C3orf49: variants seen among roughly 807,000 people sequenced by gnomAD.
C3orf49 encodes the protein putative uncharacterized protein C3orf49.
Under a neutral mutation model 13.3 loss-of-function variants are expected in C3orf49, and 27 were observed. The observed-to-expected ratio is 2.02, with a 90% CI of 1.49 to 2.79. C3orf49 has a LOEUF of 2.79. Ranked by LOEUF, C3orf49 falls within the 30% of genes most tolerant of loss-of-function variation. C3orf49 has a pLI of 0.00. For missense variants in C3orf49, 242 were observed against 134.2 expected, an observed-to-expected ratio of 1.80 and a Z score of -3.97; for synonymous variants, 87 against 47.6, an observed-to-expected ratio of 1.83 and a Z score of -3.40.
At chr3:63,801,615 G>T in the C3orf49 span, among the ~76,000 whole-genome samples, 5 of 152,240 alleles carry the variant, frequency 3.3e-5, no homozygotes, top group East Asian at 9.6e-4. Flanking sequence ...CTAGTGTTGT[G>T]AGCATTAAAT....
At chr3:63,830,859 G>C (rs909045209) in intron 3 of C3orf49, among the ~76,000 whole-genome samples, 2 of 152,134 alleles carry the variant, frequency 1.3e-5, no homozygotes, top group Non-Finnish European at 2.9e-5. Context: ...TCCTGATGCT[G>C]TATATTCTTT....
At chr3:63,815,229 CTG>C (rs1701310563), upstream of C3orf49, among the ~76,000 whole-genome samples, 1 of 152,196 alleles carries the variant, frequency 6.6e-6, no homozygotes, top group South Asian at 2.1e-4. Context: ...CATATCCAAA[CTG>C]TATCATCCCC....
In C3orf49 at chr3:63,823,292, A is replaced by G; in HGVS notation, c.168A>G (p.Val56=). 1.4e-6 allele frequency: 1 copy of G among 703,068 alleles called. No individual in the cohort carries two copies. Among genetic ancestry groups the G allele is most frequent in the South Asian group, 1.5e-5 (1 of 67,594 alleles). The allele number at this position is 703,068 out of a possible 1,614,324, so 43.6% of individuals were successfully genotyped here. A position where few individuals can be genotyped will look rare whatever the true frequency, so the allele number is the denominator to read the frequency against. Residue 56 remains valine (V), a synonymous_variant, in exon 2 of 7, where the codon GTA becomes GTG. Coordinates refer to ENST00000295896, the MANE Select transcript of C3orf49 (RefSeq NM_001355236.2). The part of the protein sequence containing the change: ...AVSTNLLKQN[V]LVPKEESSSD... ...CTACCAACTTACTAAAACAAAATGT[A>G]TTGGTCCCTAAAGAGGAATCATCCA...
chr3:63,823,566 A>G lies in C3orf49; in HGVS notation c.442A>G (p.Asn148Asp), dbSNP rs539480396. ...AGCAAAAATGAGAAAGCTCTCAGAG[A>G]ATGGTAATCATATTTGGGCAATTTG... ...FTAKMRKLSE[N>D]ATIQLDVVEA... Residue 148 changes from asparagine to aspartate, a missense_variant, in exon 2 of 7, where the codon AAT (asparagine) becomes GAT (aspartate). Asn to Asp is a conservative substitution (Grantham distance 23). Coordinates refer to ENST00000295896, the MANE Select transcript of C3orf49 (RefSeq NM_001355236.2). 1.4e-6 allele frequency: 1 copy of G among 696,024 alleles called. No homozygotes were observed. Among genetic ancestry groups the G allele is most frequent in the Non-Finnish European group, 2.6e-6 (1 of 382,216 alleles). The allele number at this position is 696,024 out of a possible 1,614,324, so 43.1% of individuals were successfully genotyped here. A position where few individuals can be genotyped will look rare whatever the true frequency, so the allele number is the denominator to read the frequency against.
chr3:63,788,780 C>A, the C3orf49 span, among the ~76,000 whole-genome samples: 1 of 151,720 alleles, frequency 6.6e-6, no homozygotes, highest in Non-Finnish European at 1.5e-5. Context: ...GAGACTTGCC[C>A]AGGGTCACAA....
At chr3:63,844,991 T>G (rs903056820) in intron 5 of C3orf49, 32 bp from the exon 6 acceptor site, 2 of 685,008 alleles carry the variant, frequency 2.9e-6, no homozygotes, top group Non-Finnish European at 2.7e-6. Flanking sequence ...AATTGAGATC[T>G]TTACATTTGT....
the C3orf49 span, among the ~76,000 whole-genome samples, chr3:63,809,366 G>A: frequency 6.6e-6 from 1 of 152,236 alleles, no homozygotes; most frequent in African/African-American, 2.4e-5. Context: ...CTGTTTTAAG[G>A]CATCATCAAG....
At chr3:63,780,779 A>T in the C3orf49 span, among the ~76,000 whole-genome samples, 1 of 152,272 alleles carries the variant, frequency 6.6e-6, no homozygotes, top group African/African-American at 2.4e-5. Flanking sequence ...TGGCTGCATA[A>T]ATGTCTTCTT....
chr3:63,844,991 T>C, intron 5 of C3orf49, 32 bp from the exon 6 acceptor site: 1 of 685,008 alleles, frequency 1.5e-6, no homozygotes, highest in Non-Finnish European at 2.7e-6. Flanking sequence ...AATTGAGATC[T>C]TTACATTTGT....
chr3:63,835,267 T>TA, intron 5 of C3orf49: 1 of 1,612,564 alleles, frequency 6.2e-7, no homozygotes, highest in Non-Finnish European at 8.5e-7. Context: ...CCTGTATATA[T>TA]AGATATATAG....
At chr3:63,844,912 C>A in intron 5 of C3orf49, 111 bp from the exon 6 acceptor site, 1 of 541,612 alleles carries the variant, frequency 1.8e-6, no homozygotes, top group Non-Finnish European at 3.4e-6. Context: ...GGCAGTGTGG[C>A]TGTTGCTATA....
upstream of C3orf49, among the ~76,000 whole-genome samples, chr3:63,817,625 A>G (rs1217632848): frequency 6.6e-6 from 1 of 152,080 alleles, no homozygotes; most frequent in Non-Finnish European, 1.5e-5. Context: ...ATCCAGACAC[A>G]GCTCAAAATT....
intron 3 of C3orf49, among the ~76,000 whole-genome samples, chr3:63,827,956 G>C (rs1701485689): frequency 6.6e-6 from 1 of 152,034 alleles, no homozygotes; most frequent in African/African-American, 2.4e-5. Context: ...ATGGAGTTTG[G>C]ATTTTTATAA....
At chr3:63,820,103 C>A (rs527455614) in intron 1 of C3orf49, among the ~76,000 whole-genome samples, 5 of 152,056 alleles carry the variant, frequency 3.3e-5, no homozygotes, top group Non-Finnish European at 7.3e-5. Flanking sequence ...ACCATATAGA[C>A]AGGTATGAAA....
At position 63,823,585 on chromosome 3, in the gene C3orf49, C is replaced by A. The variant is rs1426219150; in HGVS notation, c.445+16C>A. 1.5e-6 allele frequency: 1 copy of A among 688,550 alleles called. No homozygotes were observed. Among genetic ancestry groups the A allele is most frequent in the East Asian group, 2.7e-5 (1 of 37,124 alleles). 42.7% of individuals were successfully genotyped at this position (688,550 alleles called of 1,614,324 possible). On this transcript the variant is annotated intron_variant, in intron 2 of 6. Coordinates refer to ENST00000295896, the MANE Select transcript of C3orf49 (RefSeq NM_001355236.2). The stretch of plus-strand genomic sequence containing the variant: ...TCAGAGAATGGTAATCATATTTGGG[C>A]AATTTGTCTTTGGGTTGAGGCCAAG...
rs373057278 is a variant in C3orf49 at position 63,836,354 on chromosome 3, A to G, written c.849+4510A>G. The G allele has an allele frequency of 9.3e-6, 15 of 1,612,314 alleles. No homozygotes were observed. In the African/African-American group the frequency reaches 9.3e-5, roughly 10 times the overall value. Reference sequence around the variant, plus strand: ...GCTGAATCACTTTTGCCAAAGCATCATATTCTGTAAGACATAAAAATATTT... The same window carrying G: ...GCTGAATCACTTTTGCCAAAGCATCGTATTCTGTAAGACATAAAAATATTT... On this transcript the variant is annotated intron_variant, in intron 5 of 6. Coordinates refer to ENST00000295896, the MANE Select transcript of C3orf49 (RefSeq NM_001355236.2).
chr3:63,831,294 C>G (rs1701529028), intron 4 of C3orf49, 71 bp downstream of exon 4: 1 of 663,696 alleles, frequency 1.5e-6, no homozygotes. Flanking sequence ...AAACGCACAG[C>G]CCTGCTAGAC....
the C3orf49 span, among the ~76,000 whole-genome samples, chr3:63,789,877 C>G: frequency 6.7e-6 from 1 of 149,018 alleles, no homozygotes; most frequent in Non-Finnish European, 1.5e-5. Context: ...AAGCTTGAGA[C>G]TTCACACTTT....
the C3orf49 span, among the ~76,000 whole-genome samples, chr3:63,796,455 CTTCT>C: frequency 3.3e-5 from 5 of 152,178 alleles, no homozygotes; most frequent in Admixed American, 2.6e-4. Context: ...TCTCCAATGT[CTTCT>C]TTCTAATTCT....
Sources: allele counts gnomAD v4.1 joint callset (sites outside exome capture counted in the v4.1 genomes callset), GRCh38; gene constraint gnomAD v4.1.1; transcripts MANE v1.5; gene names NCBI Gene and HGNC (gene_info 2026-07-23, HGNC 2026-07-21).